The following FBXL18 variants were observed in gnomAD, a reference collection of about 807,000 sequenced individuals.
The protein encoded by FBXL18 is F-box/LRR-repeat protein 18.
In FBXL18, 36 loss-of-function variants were observed where a neutral mutation model predicts 46.0. The observed-to-expected ratio is 0.78, with a 90% CI of 0.60 to 1.03. The LOEUF is 1.03. Ranked by LOEUF, FBXL18 falls within the 50% of genes least tolerant of loss-of-function variation. FBXL18 has a pLI of 0.00. For missense variants in FBXL18, 977 were observed against 1,004.1 expected (o/e 0.97, Z 0.36); for synonymous variants, 557 against 465.3 (o/e 1.20, Z -2.54).
At chr7:5,489,666 C>T in intron 4 of FBXL18, 1 of 216,600 alleles carries the variant, frequency 4.6e-6, no homozygotes. Context: ...GTAGTCCCAG[C>T]TACTTGGGAG....
chr7:5,465,891 C>A (rs570169518), intron 4 of FBXL18, among the ~76,000 whole-genome samples: 41 of 151,332 alleles, frequency 2.7e-4, no homozygotes, highest in African/African-American at 9.7e-4. Context: ...AATCTCAGCT[C>A]ACTGCAACCT....
At chr7:5,471,334 T>C (rs1320998245), downstream of FBXL18, among the ~76,000 whole-genome samples, 3 of 152,284 alleles carry the variant, frequency 2.0e-5, no homozygotes, top group East Asian at 3.9e-4. Flanking sequence ...TGGAGTGCAG[T>C]GGCGCGATCT....
intron 3 of FBXL18, 64 bp downstream of exon 3, chr7:5,500,424 G>A (rs1784203324): frequency 8.3e-6 from 12 of 1,452,774 alleles, no homozygotes; most frequent in African/African-American, 5.7e-5. Flanking sequence ...AACTCCACGC[G>A]AACGCCCCAG....
intron 1 of FBXL18, 64 bp downstream of exon 1, chr7:5,513,593 G>C: frequency 6.3e-7 from 1 of 1,585,714 alleles, no homozygotes; most frequent in Non-Finnish European, 8.6e-7. Context: ...GGTCGGGATG[G>C]AAGAACCCAG....
intron 4 of FBXL18, among the ~76,000 whole-genome samples, chr7:5,488,381 G>A (rs1562689350): frequency 6.6e-6 from 1 of 152,214 alleles, no homozygotes; most frequent in Non-Finnish European, 1.5e-5. Context: ...ATCGGAGCAG[G>A]AGGCCTTCGA....
At position 5,478,677 on chromosome 7, in the gene FBXL18, C is replaced by G. The variant is rs1783571722; in HGVS notation, c.*3098G>C. ...CCACAGTCTCTCCCTCACATACACA[C>G]ACGGAAGACGTGACTCACACACACA... On this transcript the variant is annotated 3_prime_UTR_variant, in exon 5 of 5. Transcript: ENST00000382368. 2.0e-5 allele frequency: 3 copies of G among 152,552 alleles called. No homozygotes were observed. Among genetic ancestry groups the G allele is most frequent in the African/African-American group, 7.2e-5 (3 of 41,456 alleles). 9.4% of individuals were successfully genotyped at this position (152,552 alleles called of 1,614,324 possible).
intron 4 of FBXL18, among the ~76,000 whole-genome samples, chr7:5,463,055 C>T (rs1313914523): frequency 1.4e-5 from 2 of 139,478 alleles, no homozygotes; most frequent in Non-Finnish European, 3.1e-5. Context: ...GAAGCCCAAC[C>T]TTATTAACCA....
intron 4 of FBXL18, among the ~76,000 whole-genome samples, chr7:5,482,656 C>T (rs1783679168): frequency 1.3e-5 from 2 of 152,086 alleles, no homozygotes; most frequent in Admixed American, 1.3e-4. Context: ...CAACCAACCA[C>T]AGTCCCCCAG....
At chr7:5,494,124 T>G (rs1437261326) in intron 3 of FBXL18, among the ~76,000 whole-genome samples, 5 of 151,022 alleles carry the variant, frequency 3.3e-5, no homozygotes, top group Non-Finnish European at 7.4e-5. Context: ...AATACAAAAT[T>G]AGCTGGTCGT....
At chr7:5,464,792 G>A (rs1584183971) in intron 4 of FBXL18, among the ~76,000 whole-genome samples, 1 of 150,734 alleles carries the variant, frequency 6.6e-6, no homozygotes. Context: ...GGCTGGGCGT[G>A]GTGGCTCACA....
chr7:5,481,633 C>T lies in FBXL18; in HGVS notation c.*142G>A, dbSNP rs1298190875. 5 of 837,926 alleles carry T rather than the reference C, an allele frequency of 6.0e-6. No individual in the cohort carries two copies. The highest frequency in any genetic ancestry group is 1.7e-5 in the African/African-American group (1 of 58,856). 51.9% of individuals were successfully genotyped at this position (837,926 alleles called of 1,614,324 possible). ...TCCCCATGAGAGAGCCGTGGAGACG[C>T]CGGGAGCCCCAGGAGCCAGGTGGGG... On this transcript the variant is annotated 3_prime_UTR_variant, in exon 5 of 5. Coordinates refer to ENST00000382368, the MANE Select transcript of FBXL18 (RefSeq NM_024963.6).
chr7:5,490,271 C>T (rs1025598181), intron 4 of FBXL18: 69 of 1,258,788 alleles, frequency 5.5e-5, no homozygotes, highest in African/African-American at 2.0e-4. Flanking sequence ...GCCGGGCGCA[C>T]GCCTCTCTCA....
At chr7:5,462,421 C>A (rs1441590085) in intron 4 of FBXL18, among the ~76,000 whole-genome samples, 1 of 152,178 alleles carries the variant, frequency 6.6e-6, no homozygotes, top group Non-Finnish European at 1.5e-5. Context: ...CCTGTTGGCA[C>A]GCATTTCCTT....
chr7:5,500,616 G>T lies in FBXL18; in HGVS notation c.1653C>A (p.Val551=). ...ACTGCTGGCACTGCAGGCCGATATT[G>T]ACCAGCCCGGAGCCCGTAAGGACGC... The part of the protein sequence containing the change: ...LPSVLTGSGL[V]NIGLQCQQLR... The change falls in exon 3 of 5, where the codon GTC becomes GTA. Residue 551 remains valine, a synonymous_variant. Coordinates refer to ENST00000382368, the MANE Select transcript of FBXL18 (RefSeq NM_024963.6). 1 of 1,613,250 alleles carries T rather than the reference G, an allele frequency of 6.2e-7. No individual in the cohort carries two copies.
intron 4 of FBXL18, among the ~76,000 whole-genome samples, chr7:5,465,298 T>A (rs536186029): frequency 2.0e-5 from 3 of 152,048 alleles, no homozygotes; most frequent in African/African-American, 7.2e-5. Flanking sequence ...CCTCCCTGGT[T>A]TGAGTGATTC....
chr7:5,454,599 G>A (rs145322043), intron 4 of FBXL18, among the ~76,000 whole-genome samples: 1 of 152,304 alleles, frequency 6.6e-6, no homozygotes, highest in African/African-American at 2.4e-5. Flanking sequence ...TGAGAAGCAG[G>A]AGGAAAGAAA....
At chr7:5,484,148 C>T (rs1783714804) in intron 4 of FBXL18, among the ~76,000 whole-genome samples, 1 of 152,206 alleles carries the variant, frequency 6.6e-6, no homozygotes, top group African/African-American at 2.4e-5. Flanking sequence ...TCCACCCCCT[C>T]TGGCTCCAGC....
chr7:5,501,689 G>A lies in FBXL18; in HGVS notation c.580C>T (p.Leu194=), dbSNP rs775543624. ...TCGAAGTAGAGCAGCAGCTTCTCTA[G>A]GCTGGTGCAGCAGGGCACCACGCCG... ...SYGVVPCCTS[L]EKLLLYFEIL... The change falls in exon 3 of 5, where the codon CTA becomes TTA. Residue 194 remains leucine, a synonymous_variant. Coordinates refer to ENST00000382368, the MANE Select transcript of FBXL18 (RefSeq NM_024963.6). 8.1e-6 allele frequency: 13 copies of A among 1,604,868 alleles called. No individual in the cohort carries two copies. Among genetic ancestry groups the A allele is most frequent in the African/African-American group, 1.3e-5 (1 of 74,916 alleles).
chr7:5,478,917 C>T lies in FBXL18; in HGVS notation c.*2858G>A, dbSNP rs1212920520. 1 of 152,298 alleles carries T rather than the reference C, an allele frequency of 6.6e-6. No individual in the cohort carries two copies. Among genetic ancestry groups the T allele is most frequent in the Admixed American group, 6.5e-5 (1 of 15,288 alleles). 9.4% of individuals were successfully genotyped at this position (152,298 alleles called of 1,614,324 possible). Reference sequence around the variant, plus strand: ...CTGACCACGCTCCTCCAGCAGGCAGCATATGGTCTGCTGCTTAACAGCCGA... The same window carrying T: ...CTGACCACGCTCCTCCAGCAGGCAGTATATGGTCTGCTGCTTAACAGCCGA... On this transcript the variant is annotated 3_prime_UTR_variant, in exon 5 of 5. Coordinates refer to ENST00000382368, the MANE Select transcript of FBXL18 (RefSeq NM_024963.6).
Sources: gnomAD v4.1 joint callset for allele counts (sites outside exome capture counted in the v4.1 genomes callset) on GRCh38, gnomAD v4.1.1 for gene constraint, MANE v1.5 for transcripts, NCBI Gene and HGNC (gene_info 2026-07-23, HGNC 2026-07-21) for gene names.